The following PKP4 variants were observed in gnomAD, a reference collection of about 807,000 sequenced individuals.
PKP4 encodes the protein plakophilin-4.
PKP4 carries 90 observed loss-of-function variants against 145.1 expected under a neutral mutation model. The ratio of observed to expected loss-of-function variants is 0.62; its 90% CI spans 0.52 to 0.74. The LOEUF (loss-of-function observed/expected upper bound fraction) is 0.74, where lower values mean the gene tolerates loss of function less well. Ranked by LOEUF, PKP4 falls within the 30% of genes least tolerant of loss-of-function variation. PKP4 has a pLI of 0.00. For synonymous variants in PKP4, 563 were observed against 577.2 expected (o/e 0.98, Z 0.35); for missense variants, 1,340 against 1,482.7 (o/e 0.90, Z 1.58).
At chr2:158,473,978 G>A (rs1034463159) in intron 1 of PKP4, among the ~76,000 whole-genome samples, 1 of 152,080 alleles carries the variant, frequency 6.6e-6, no homozygotes, top group Non-Finnish European at 1.5e-5. Flanking sequence ...ATGAAGCAAG[G>A]TGATACTAAA....
At chr2:158,515,066 G>A (rs1328891039) in intron 1 of PKP4, among the ~76,000 whole-genome samples, 1 of 151,778 alleles carries the variant, frequency 6.6e-6, no homozygotes, top group Non-Finnish European at 1.5e-5. Context: ...TGCTTTTTTT[G>A]CCTGTGCTTT....
intron 20 of PKP4, 78 bp from the exon 21 acceptor site, chr2:158,678,503 A>G: frequency 2.1e-6 from 2 of 960,292 alleles, no homozygotes; most frequent in Non-Finnish European, 3.4e-6. Flanking sequence ...TGCTAGCCCT[A>G]GTGCAGGGGA....
intron 2 of PKP4, among the ~76,000 whole-genome samples, chr2:158,553,593 A>G (rs2045820155): frequency 6.6e-6 from 1 of 151,754 alleles, no homozygotes; most frequent in East Asian, 1.9e-4. Context: ...AAGAAAAGGA[A>G]AAATGACTTC....
intron 2 of PKP4, among the ~76,000 whole-genome samples, chr2:158,543,700 G>A (rs1291325321): frequency 1.3e-5 from 2 of 152,178 alleles, no homozygotes; most frequent in Admixed American, 1.3e-4. Flanking sequence ...ACTCAAAGAT[G>A]AGAGAAATGA....
Position 158,579,444 on chromosome 2 carries a change from T to TAA in PKP4, c.245+2075_245+2076dup, listed in dbSNP as rs57964242. Among the ~76,000 whole-genome samples, 898 of 136,794 alleles carry TAA rather than the reference T, an allele frequency of 6.6e-3. 12 individuals are homozygous for TAA. Among genetic ancestry groups the TAA allele is most frequent in the African/African-American group, 0.022 (801 of 37,218 alleles). The allele number at this position is 136,794 out of a possible 152,430, so 89.7% of individuals were successfully genotyped here. ...TATTTCCAAATTAGTTCTGATTTTG[T>TAA]AAAAAAAAAAAAAAAGCATTGAATT... On this transcript the variant is annotated intron_variant, in intron 3 of 21. Transcript: ENST00000389759.
chr2:158,488,341 C>T (rs1486547056), intron 1 of PKP4, among the ~76,000 whole-genome samples: 3 of 152,186 alleles, frequency 2.0e-5, no homozygotes, highest in Non-Finnish European at 2.9e-5. Flanking sequence ...AACACTTTTC[C>T]GCATTTCCTT....
chr2:158,559,072 A>G (rs2046317069), intron 2 of PKP4, among the ~76,000 whole-genome samples: 1 of 152,212 alleles, frequency 6.6e-6, no homozygotes, highest in Admixed American at 6.5e-5. Context: ...ACTCTCATGA[A>G]TGGAAGGCCT....
chr2:158,475,132 G>T (rs1206646055), intron 1 of PKP4, among the ~76,000 whole-genome samples: 1 of 151,926 alleles, frequency 6.6e-6, no homozygotes, highest in African/African-American at 2.4e-5. Context: ...TTGTCACCAG[G>T]GTAAGATCTC....
intron 1 of PKP4, among the ~76,000 whole-genome samples, chr2:158,485,306 A>G (rs528718469): frequency 2.0e-5 from 3 of 152,338 alleles, no homozygotes; most frequent in Admixed American, 1.3e-4. Flanking sequence ...GCCAATTATT[A>G]TTAGCCCTGT....
At chr2:158,553,808 A>G (rs1273093210) in intron 2 of PKP4, among the ~76,000 whole-genome samples, 4 of 152,302 alleles carry the variant, frequency 2.6e-5, no homozygotes, top group South Asian at 4.1e-4. Flanking sequence ...CACAGAATCA[A>G]TAGTTGGAGA....
Position 158,597,030 on chromosome 2 carries a change from C to A in PKP4, c.246-6040C>A, listed in dbSNP as rs187332387. ...TTTTGTTTTTAAAAGTTGCTTCACA[C>A]TTTTGTTTGTGATAGATATGTGAAT... On this transcript the variant is annotated intron_variant, in intron 3 of 21. Transcript: ENST00000389759. 1.4e-3 allele frequency among the ~76,000 whole-genome samples: 211 copies of A among 152,262 alleles called. 1 individual carries two copies. Among genetic ancestry groups the A allele is most frequent in the African/African-American group, 4.9e-3 (202 of 41,556 alleles).
intron 1 of PKP4, among the ~76,000 whole-genome samples, chr2:158,528,742 C>T (rs976887367): frequency 1.4e-5 from 2 of 144,578 alleles, no homozygotes; most frequent in Non-Finnish European, 3.0e-5. Flanking sequence ...AATGAGAACA[C>T]AGATATGCAT....
chr2:158,530,508 T>C (rs1121928), intron 1 of PKP4, among the ~76,000 whole-genome samples: 2,989 of 128,246 alleles, frequency 0.023, 28 homozygotes, highest in East Asian at 0.092. Flanking sequence ...TTCTTTCTTT[T>C]TTTTTTTTTT....
At chr2:158,628,376 T>C (rs2053020425) in intron 7 of PKP4, among the ~76,000 whole-genome samples, 1 of 152,180 alleles carries the variant, frequency 6.6e-6, no homozygotes, top group South Asian at 2.1e-4. Flanking sequence ...ACATATTCAT[T>C]TTACTTAATC....
intron 4 of PKP4, among the ~76,000 whole-genome samples, chr2:158,613,397 A>T (rs1007365119): frequency 6.6e-6 from 1 of 152,210 alleles, no homozygotes; most frequent in Non-Finnish European, 1.5e-5. Context: ...AAAAATCACT[A>T]GTTTGCAAGC....
intron 1 of PKP4, among the ~76,000 whole-genome samples, chr2:158,513,376 GGCAATACCCGA>G: frequency 6.6e-6 from 1 of 152,220 alleles, no homozygotes; most frequent in Non-Finnish European, 1.5e-5. Flanking sequence ...CGAGCAGGAT[GGCAATACCCGA>G]GTACATCTTC....
chr2:158,558,260 C>T (rs139517705), intron 2 of PKP4, among the ~76,000 whole-genome samples: 52 of 152,184 alleles, frequency 3.4e-4, no homozygotes, highest in African/African-American at 1.2e-3. Flanking sequence ...GCTTTTAGTA[C>T]ATTTCGGCCG....
intron 1 of PKP4, among the ~76,000 whole-genome samples, chr2:158,516,377 A>G (rs11674284): frequency 0.2 from 29,685 of 152,098 alleles, 3,777 homozygotes; most frequent in Middle Eastern, 0.34. Flanking sequence ...CATTTCCCAG[A>G]CTTGCTAACC....
Position 158,533,282 on chromosome 2 carries a change from C to T in PKP4, c.98C>T (p.Thr33Ile). The T allele has an allele frequency of 6.2e-7, 1 of 1,614,198 alleles. No homozygotes were observed. The highest frequency in any genetic ancestry group is 2.2e-5 in the East Asian group (1 of 44,892). ...GGCCCAGGCATGGAACCCGAGACCACAGCCACCACTATTCTAGCATCCGTG... is the reference window on the plus strand; with the variant it reads ...GGCCCAGGCATGGAACCCGAGACCATAGCCACCACTATTCTAGCATCCGTG... ...STGPGMEPET[T>I]ATTILASVKE... is the part of the protein sequence containing the mutation. Residue 33 changes from threonine (T) to isoleucine (I), a missense_variant, in exon 2 of 22, where the codon ACA (threonine) becomes ATA (isoleucine). Thr to Ile is a moderately conservative substitution (Grantham distance 89). Transcript: ENST00000389759.
Sources: gnomAD v4.1 joint callset for allele counts (sites outside exome capture counted in the v4.1 genomes callset) on GRCh38, gnomAD v4.1.1 for gene constraint, MANE v1.5 for transcripts, NCBI Gene and HGNC (gene_info 2026-07-23, HGNC 2026-07-21) for gene names.